MDGA2: variants seen among roughly 807,000 people sequenced by gnomAD.
The protein encoded by MDGA2 is MAM domain-containing glycosylphosphatidylinositol anchor protein 2.
MDGA2 carries 40 observed loss-of-function variants against 117.8 expected under a neutral mutation model. The observed-to-expected ratio is 0.34, with a 90% confidence interval of 0.26 to 0.44. The LOEUF is 0.44. Ranked by LOEUF, MDGA2 falls within the 20% of genes least tolerant of loss-of-function variation. The probability of loss-of-function intolerance (pLI) is 1.00; values close to 1 mark genes in which losing one functional copy is unlikely to be tolerated. For synonymous variants in MDGA2, 452 were observed against 439.0 expected (o/e 1.03, Z -0.37); for missense variants, 1,123 against 1,250.6 (o/e 0.90, Z 1.54).
At chr14:47,161,982 G>A (rs1215005868) in intron 3 of MDGA2, among the ~76,000 whole-genome samples, 1 of 84,072 alleles carries the variant, frequency 1.2e-5, no homozygotes, top group Admixed American at 1.8e-4. Context: ...GTCTTGTTCT[G>A]TTATCCAGGC....
At chr14:47,592,693 T>C (rs1458538985) in intron 1 of MDGA2, among the ~76,000 whole-genome samples, 4 of 151,934 alleles carry the variant, frequency 2.6e-5, no homozygotes, top group African/African-American at 4.8e-5. Flanking sequence ...ATGCAGAAAA[T>C]TGAAACTGAA....
At chr14:47,112,201 G>A (rs1031975730) in intron 5 of MDGA2, among the ~76,000 whole-genome samples, 4 of 152,124 alleles carry the variant, frequency 2.6e-5, no homozygotes, top group African/African-American at 9.7e-5. Flanking sequence ...GAAAAAGGGA[G>A]ACAGAATGAG....
intron 1 of MDGA2, among the ~76,000 whole-genome samples, chr14:47,523,945 C>T (rs545673855): frequency 1.3e-4 from 20 of 152,176 alleles, no homozygotes; most frequent in Non-Finnish European, 2.1e-4. Context: ...AAACCATCTT[C>T]AGGCAGTGGA....
At chr14:47,647,171 T>G (rs555782710) in intron 1 of MDGA2, among the ~76,000 whole-genome samples, 2 of 152,262 alleles carry the variant, frequency 1.3e-5, no homozygotes, top group South Asian at 2.1e-4. Context: ...TCAGGAAGAT[T>G]AAAAATACTC....
rs548674636 is a variant in MDGA2 at position 47,263,174 on chromosome 14, A to G, written c.420+38237T>C. Among the ~76,000 whole-genome samples, 27 of 151,820 alleles carry G rather than the reference A, an allele frequency of 1.8e-4. No individual in the cohort carries two copies. The South Asian group carries it at 4.4e-3, about 24-fold the overall frequency. ...TACTACTTTAAGTTTTCTAAGTTCA[A>G]TCTGGCACTGCATAGTTGGGTCAAT... On this transcript the variant is annotated intron_variant, in intron 2 of 16. Coordinates refer to ENST00000399232, the MANE Select transcript of MDGA2 (RefSeq NM_001113498.3).
At chr14:46,971,350 A>G (rs1886256265) in intron 8 of MDGA2, among the ~76,000 whole-genome samples, 1 of 152,158 alleles carries the variant, frequency 6.6e-6, no homozygotes, top group African/African-American at 2.4e-5. Context: ...AAAGTAGCAT[A>G]TGTACACAAT....
At chr14:47,460,278 G>T (rs1378519292) in intron 1 of MDGA2, among the ~76,000 whole-genome samples, 1 of 151,954 alleles carries the variant, frequency 6.6e-6, no homozygotes, top group Non-Finnish European at 1.5e-5. Context: ...TACTTTTCCT[G>T]CTCTGCCTGT....
At chr14:46,927,862 T>C (rs909366472) in intron 9 of MDGA2, among the ~76,000 whole-genome samples, 9 of 152,180 alleles carry the variant, frequency 5.9e-5, no homozygotes, top group African/African-American at 1.9e-4. Context: ...GCTGTACACA[T>C]CACATTAAGG....
At chr14:47,501,474 A>T (rs2138673406) in intron 1 of MDGA2, among the ~76,000 whole-genome samples, 1 of 152,310 alleles carries the variant, frequency 6.6e-6, no homozygotes, top group Non-Finnish European at 1.5e-5. Context: ...GGTGTTAGAT[A>T]GATTAATGTT....
At chr14:47,164,561 C>T (rs1220114066) in intron 3 of MDGA2, among the ~76,000 whole-genome samples, 2 of 152,202 alleles carry the variant, frequency 1.3e-5, no homozygotes, top group African/African-American at 4.8e-5. Context: ...GATACCATCT[C>T]ACACCAGTTA....
chr14:47,337,145 A>T (rs1016008745), intron 1 of MDGA2, among the ~76,000 whole-genome samples: 1 of 152,132 alleles, frequency 6.6e-6, no homozygotes, highest in Non-Finnish European at 1.5e-5. Flanking sequence ...ACATTAAATT[A>T]TAGTGATACC....
At chr14:47,674,322 G>C (rs1037262967) in intron 1 of MDGA2, among the ~76,000 whole-genome samples, 195 bp downstream of exon 1, 1 of 152,226 alleles carries the variant, frequency 6.6e-6, no homozygotes, top group Non-Finnish European at 1.5e-5. Context: ...CCAGAGCCCA[G>C]GCGCCGGGGA....
chr14:46,965,175 G>A (rs902543592), intron 8 of MDGA2, among the ~76,000 whole-genome samples: 21 of 149,670 alleles, frequency 1.4e-4, no homozygotes, highest in Admixed American at 2.7e-4. Flanking sequence ...CGCCCGCCTC[G>A]GCCTCCCAAA....
chr14:47,221,571 C>A (rs1382262391), intron 2 of MDGA2, among the ~76,000 whole-genome samples: 1 of 151,490 alleles, frequency 6.6e-6, no homozygotes, highest in Non-Finnish European at 1.5e-5. Flanking sequence ...GCCTATAGTC[C>A]CAGCTATTTG....
intron 1 of MDGA2, among the ~76,000 whole-genome samples, chr14:47,433,677 A>G (rs911979203): frequency 1.3e-5 from 2 of 152,160 alleles, no homozygotes; most frequent in Admixed American, 6.6e-5. Flanking sequence ...CGCCATTTAC[A>G]TTGTTATTCC....
At chr14:47,543,617 G>A (rs573549287) in intron 1 of MDGA2, among the ~76,000 whole-genome samples, 10 of 152,250 alleles carry the variant, frequency 6.6e-5, no homozygotes, top group African/African-American at 2.4e-4. Context: ...CCTTGTTCTT[G>A]CCACTTCAAA....
chr14:47,403,656 C>T (rs1469653339), intron 1 of MDGA2, among the ~76,000 whole-genome samples: 3 of 152,082 alleles, frequency 2.0e-5, no homozygotes, highest in Non-Finnish European at 2.9e-5. Context: ...TTTCCATGAC[C>T]ATCACCATCA....
intron 2 of MDGA2, among the ~76,000 whole-genome samples, chr14:47,268,950 T>TC (rs397724522): frequency 1.3e-5 from 2 of 150,968 alleles, no homozygotes; most frequent in Non-Finnish European, 3.0e-5. Context: ...ATTAACACTT[T>TC]GGGATTATAA....
chr14:47,582,639 T>C (rs1360781106), intron 1 of MDGA2, among the ~76,000 whole-genome samples: 9 of 151,886 alleles, frequency 5.9e-5, no homozygotes, highest in Non-Finnish European at 8.8e-5. Context: ...TCAAATCACA[T>C]ACAATCTTTT....
Sources: allele counts gnomAD v4.1 joint callset (sites outside exome capture counted in the v4.1 genomes callset), GRCh38; gene constraint gnomAD v4.1.1; transcripts MANE v1.5; gene names NCBI Gene and HGNC (gene_info 2026-07-23, HGNC 2026-07-21).